The following R3HCC1L variants were observed in gnomAD, a reference collection of about 807,000 sequenced individuals.
R3HCC1L encodes coiled-coil domain-containing protein R3HCC1L.
In R3HCC1L, 51 loss-of-function variants were observed where a neutral mutation model predicts 59.9. The ratio of observed to expected loss-of-function variants is 0.85; its 90% CI spans 0.68 to 1.07. The LOEUF (loss-of-function observed/expected upper bound fraction) is 1.07, where lower values mean the gene tolerates loss of function less well. Among genes scored for constraint, R3HCC1L ranks in the 50% least tolerant of loss-of-function variants. R3HCC1L has a pLI of 0.00. For synonymous variants in R3HCC1L, 322 were observed against 315.2 expected (o/e 1.02, Z -0.23); for missense variants, 965 against 933.0 (o/e 1.03, Z -0.45).
chr10:98,152,379 T>C (rs1356165139), intron 1 of R3HCC1L, among the ~76,000 whole-genome samples: 1 of 151,592 alleles, frequency 6.6e-6, no homozygotes, highest in Non-Finnish European at 1.5e-5. Flanking sequence ...CGCCACCCCG[T>C]CTGGGAAGTG....
At chr10:98,243,945 T>C in intron 9 of R3HCC1L, 146 bp from the exon 10 acceptor site, 1 of 605,002 alleles carries the variant, frequency 1.7e-6, no homozygotes, top group Admixed American at 2.9e-5. Context: ...CTTAGGAAAT[T>C]AAAGGAATTA....
At chr10:98,201,127 C>T (rs1284024333) in intron 4 of R3HCC1L, among the ~76,000 whole-genome samples, 3 of 152,118 alleles carry the variant, frequency 2.0e-5, no homozygotes, top group African/African-American at 7.2e-5. Context: ...TTTGGAGTGC[C>T]ACGTTTATTA....
chr10:98,230,042 CTT>C (rs151102921), intron 5 of R3HCC1L, among the ~76,000 whole-genome samples: 1 of 151,772 alleles, frequency 6.6e-6, no homozygotes, highest in African/African-American at 2.4e-5. Flanking sequence ...CTGAAATTCT[CTT>C]TTTTTGTTGT....
At chr10:98,142,917 A>G (rs1042446525) in intron 1 of R3HCC1L, among the ~76,000 whole-genome samples, 2 of 152,116 alleles carry the variant, frequency 1.3e-5, no homozygotes, top group Admixed American at 6.5e-5. Context: ...CCTGGGCCAC[A>G]GAGTAAGACT....
intron 4 of R3HCC1L, among the ~76,000 whole-genome samples, chr10:98,166,271 G>A (rs1339001505): frequency 2.6e-5 from 4 of 152,226 alleles, no homozygotes; most frequent in African/African-American, 9.7e-5. Flanking sequence ...CAACCTGGAA[G>A]AGGGCCTGCT....
At chr10:98,195,601 A>G (rs930942918) in intron 4 of R3HCC1L, among the ~76,000 whole-genome samples, 3 of 152,156 alleles carry the variant, frequency 2.0e-5, no homozygotes, top group African/African-American at 4.8e-5. Flanking sequence ...ACACAAAAAA[A>G]AACTCTTTGT....
chr10:98,201,322 T>C (rs565012908), intron 4 of R3HCC1L, among the ~76,000 whole-genome samples: 326 of 152,342 alleles, frequency 2.1e-3, no homozygotes, highest in Non-Finnish European at 3.2e-3. Flanking sequence ...TATATAAATA[T>C]CTTTCTGTTG....
At position 98,178,370 on chromosome 10, in the gene R3HCC1L, G is replaced by T. The variant is rs535449172; in HGVS notation, c.-15+14973G>T. ...TGTCAGGTTTGTCAAAGATCAGAGG[G>T]TTGTAGATATTGGTATTATTTCTGA... On this transcript the variant is annotated intron_variant, in intron 4 of 9. Transcript: ENST00000298999. Among the ~76,000 whole-genome samples, 263 of 152,252 alleles carry T rather than the reference G, an allele frequency of 1.7e-3. 2 individuals are homozygous for T. The South Asian group carries it at 0.018, about 11-fold the overall frequency.
At chr10:98,196,549 CA>C (rs1554843306) in intron 4 of R3HCC1L, among the ~76,000 whole-genome samples, 1 of 152,136 alleles carries the variant, frequency 6.6e-6, no homozygotes, top group Non-Finnish European at 1.5e-5. Context: ...CGTGTGCTAC[CA>C]TGTCCAACTA....
intron 9 of R3HCC1L, among the ~76,000 whole-genome samples, chr10:98,241,429 T>C (rs1857523524): frequency 6.6e-6 from 1 of 152,340 alleles, no homozygotes; most frequent in South Asian, 2.1e-4. Flanking sequence ...TCATTTAATA[T>C]AGTCATTTCT....
chr10:98,196,045 C>T (rs1487785676), intron 4 of R3HCC1L, among the ~76,000 whole-genome samples: 1 of 152,094 alleles, frequency 6.6e-6, no homozygotes, highest in Non-Finnish European at 1.5e-5. Context: ...TACTGAGTCT[C>T]AAGGTGCTTT....
chr10:98,168,652 A>G (rs993851202), intron 4 of R3HCC1L, among the ~76,000 whole-genome samples: 1 of 152,224 alleles, frequency 6.6e-6, no homozygotes, highest in African/African-American at 2.4e-5. Flanking sequence ...GTAAATATAA[A>G]TGTCCAAGGC....
intron 5 of R3HCC1L, 64 bp downstream of exon 5, chr10:98,209,963 T>G (rs1390148962): frequency 6.7e-6 from 9 of 1,334,640 alleles, no homozygotes; most frequent in Middle Eastern, 1.9e-4. Context: ...AGTGGTAATT[T>G]TGATAGACAG....
intron 1 of R3HCC1L, among the ~76,000 whole-genome samples, chr10:98,150,791 C>T (rs941031311): frequency 9.2e-5 from 14 of 152,186 alleles, no homozygotes; most frequent in African/African-American, 1.2e-4. Context: ...GTTTCTAGGG[C>T]TGGGAACAGT....
chr10:98,151,151 A>G (rs1846121747), intron 1 of R3HCC1L, among the ~76,000 whole-genome samples: 1 of 151,702 alleles, frequency 6.6e-6, no homozygotes, highest in African/African-American at 2.4e-5. Flanking sequence ...AGCACTTTGT[A>G]TTTGTTTTTG....
intron 1 of R3HCC1L, among the ~76,000 whole-genome samples, chr10:98,143,568 C>A (rs1845379121): frequency 6.6e-6 from 1 of 152,118 alleles, no homozygotes; most frequent in Non-Finnish European, 1.5e-5. Context: ...TGAAACTTTT[C>A]ATTGCTTCTA....
intron 9 of R3HCC1L, among the ~76,000 whole-genome samples, chr10:98,241,763 G>C (rs1590860203): frequency 6.6e-6 from 1 of 152,054 alleles, no homozygotes; most frequent in Non-Finnish European, 1.5e-5. Context: ...AAGTGTGCTG[G>C]TGAAGAATTA....
chr10:98,212,929 A>T (rs555205017), intron 5 of R3HCC1L, among the ~76,000 whole-genome samples: 1 of 152,278 alleles, frequency 6.6e-6, no homozygotes, highest in South Asian at 2.1e-4. Flanking sequence ...CTAATATTAT[A>T]CCACCATATT....
intron 5 of R3HCC1L, among the ~76,000 whole-genome samples, chr10:98,219,247 T>A (rs1854588782): frequency 6.6e-6 from 1 of 152,206 alleles, no homozygotes; most frequent in Non-Finnish European, 1.5e-5. Flanking sequence ...AAGTCTGTTT[T>A]ATCTTACATA....
Sources: gnomAD v4.1 joint callset for allele counts (sites outside exome capture counted in the v4.1 genomes callset) on GRCh38, gnomAD v4.1.1 for gene constraint, MANE v1.5 for transcripts, NCBI Gene and HGNC (gene_info 2026-07-23, HGNC 2026-07-21) for gene names.